Variants in SEMA4D observed in about 807,000 individuals in gnomAD.
SEMA4D encodes semaphorin 4D.
A neutral mutation model predicts 74.8 loss-of-function variants in SEMA4D; 22 were observed. The ratio of observed to expected loss-of-function variants is 0.29; its 90% confidence interval spans 0.21 to 0.42. The LOEUF is 0.42. SEMA4D is among the 10% of genes least tolerant of loss of function. The probability of loss-of-function intolerance (pLI) is 1.00; values close to 1 mark genes in which losing one functional copy is unlikely to be tolerated. For synonymous variants in SEMA4D, 445 were observed against 463.7 expected, an observed-to-expected ratio of 0.96 and a Z score of 0.52; for missense variants, 937 against 1,118.4, an observed-to-expected ratio of 0.84 and a Z score of 2.31.
intron 2 of SEMA4D, among the ~76,000 whole-genome samples, chr9:89,449,069 C>G (rs1279370684): frequency 2.0e-5 from 3 of 152,116 alleles, no homozygotes; most frequent in Non-Finnish European, 2.9e-5. Flanking sequence ...CCACAGAAAA[C>G]AAGGGAGACA....
At chr9:89,475,415 G>A (rs547449303) in intron 1 of SEMA4D, among the ~76,000 whole-genome samples, 3 of 152,320 alleles carry the variant, frequency 2.0e-5, no homozygotes, top group Admixed American at 6.5e-5. Context: ...ACTGGTCCAT[G>A]GGTCACAGCC....
intron 2 of SEMA4D, among the ~76,000 whole-genome samples, chr9:89,432,232 A>G (rs1849429743): frequency 6.6e-6 from 1 of 152,232 alleles, no homozygotes; most frequent in Non-Finnish European, 1.5e-5. Context: ...TGGCACAATA[A>G]ATGTTAACCA....
At chr9:89,454,789 C>T (rs1855530736) in intron 2 of SEMA4D, among the ~76,000 whole-genome samples, 1 of 152,212 alleles carries the variant, frequency 6.6e-6, no homozygotes, top group African/African-American at 2.4e-5. Context: ...CCAGGCCACC[C>T]TCGGGGTGGC....
chr9:89,367,987 T>C (rs78472267), intron 16 of SEMA4D: 10,048 of 152,346 alleles, frequency 0.066, 470 homozygotes, highest in Middle Eastern at 0.12. Flanking sequence ...GAGCTGATTC[T>C]ACTCTGCGAC....
At chr9:89,443,583 T>G (rs2135194686) in intron 2 of SEMA4D, among the ~76,000 whole-genome samples, 1 of 152,232 alleles carries the variant, frequency 6.6e-6, no homozygotes, top group South Asian at 2.1e-4. Context: ...CTGCCTGGGG[T>G]AGGCGGGTGG....
At chr9:89,460,787 C>T (rs1029648971) in intron 1 of SEMA4D, among the ~76,000 whole-genome samples, 2 of 152,268 alleles carry the variant, frequency 1.3e-5, no homozygotes, top group Non-Finnish European at 2.9e-5. Context: ...AACCCATGCC[C>T]TCCAGCGTGG....
chr9:89,458,014 T>TTG (rs562896276), intron 1 of SEMA4D, among the ~76,000 whole-genome samples: 78 of 152,234 alleles, frequency 5.1e-4, no homozygotes, highest in African/African-American at 1.8e-3. Flanking sequence ...GCCTGGTCGA[T>TTG]AGAGCGAGAC....
Position 89,389,040 on chromosome 9 carries a change from T to C in SEMA4D, c.782A>G (p.Gln261Arg), listed in dbSNP as rs960977325. Residue 261 changes from glutamine to arginine, a missense_variant, in exon 10 of 16, where the codon CAG (glutamine) becomes CGG (arginine). Gln to Arg is a conservative substitution (Grantham distance 43). Transcript: ENST00000422704. ...CTTCTGCAAGGTCCTCAGGCCGCCC[T>C]GGTCCCCCTAAAACCCCAACAAGAA... is the stretch of plus-strand genomic sequence containing the variant. The part of the protein sequence containing the change: ...PRIARVCKGD[Q>R]GGLRTLQKKW... The C allele has an allele frequency of 3.1e-6, 5 of 1,613,934 alleles. No homozygotes were observed. The African/African-American group carries it at 5.3e-5, about 17-fold the overall frequency.
At chr9:89,402,013 C>T (rs901048855) in intron 4 of SEMA4D, among the ~76,000 whole-genome samples, 18 of 151,606 alleles carry the variant, frequency 1.2e-4, no homozygotes, top group Non-Finnish European at 2.2e-4. Context: ...CTGGATCTGA[C>T]ACCCAGCTGG....
At chr9:89,447,956 T>C (rs1258651332) in intron 2 of SEMA4D, among the ~76,000 whole-genome samples, 2 of 152,198 alleles carry the variant, frequency 1.3e-5, no homozygotes, top group Non-Finnish European at 2.9e-5. Context: ...CTCATCTCCT[T>C]CTCTGCTTTA....
chr9:89,382,870 G>A (rs978329508), intron 13 of SEMA4D, among the ~76,000 whole-genome samples: 8 of 152,162 alleles, frequency 5.3e-5, no homozygotes, highest in Non-Finnish European at 5.9e-5. Flanking sequence ...CCAAAGAGAG[G>A]CTTGAGGGTA....
intron 2 of SEMA4D, among the ~76,000 whole-genome samples, chr9:89,416,086 A>G (rs1845645307): frequency 6.6e-6 from 1 of 152,240 alleles, no homozygotes; most frequent in South Asian, 2.1e-4. Context: ...AACCAAATGT[A>G]AATTAAAATA....
chr9:89,451,618 T>C (rs762202922), intron 2 of SEMA4D, among the ~76,000 whole-genome samples: 1 of 152,190 alleles, frequency 6.6e-6, no homozygotes, highest in Non-Finnish European at 1.5e-5. Context: ...TGGATTTGGA[T>C]TGGATTGCTG....
intron 2 of SEMA4D, among the ~76,000 whole-genome samples, chr9:89,434,518 AAG>A (rs1363938894): frequency 2.0e-5 from 3 of 152,178 alleles, no homozygotes; most frequent in Non-Finnish European, 4.4e-5. Context: ...AACAGCATCT[AAG>A]AGAGTAGAGT....
In SEMA4D at chr9:89,442,257, C is replaced by T. The variant is rs974867118; in HGVS notation, c.-244+13631G>A. 5.9e-5 allele frequency among the ~76,000 whole-genome samples: 9 copies of T among 152,324 alleles called. No homozygotes were observed. The South Asian group carries it at 6.2e-4, about 11-fold the overall frequency. On this transcript the variant is annotated intron_variant, in intron 2 of 15. Transcript: ENST00000422704. ...CTCAGTGGGTCGGCTCTGGGCACCA[C>T]GGCTGCCACGAGGGTGGTAGGGGCT... is the stretch of plus-strand genomic sequence containing the variant.
At chr9:89,496,732 G>C (rs1312084168) in intron 1 of SEMA4D, among the ~76,000 whole-genome samples, 4 of 152,196 alleles carry the variant, frequency 2.6e-5, no homozygotes, top group African/African-American at 9.7e-5. Flanking sequence ...CCTGTTTCTG[G>C]GACACAGTAA....
In SEMA4D at chr9:89,379,023, T is replaced by A. The variant is rs746351203; in HGVS notation, c.2270A>T (p.Lys757Met). 3.7e-6 allele frequency: 6 copies of A among 1,611,592 alleles called. No individual in the cohort carries two copies. The African/African-American group carries it at 6.7e-5, about 18-fold the overall frequency. ...CAAGCACTGTCTGGGCAGGTATCCC[T>A]TATAGCAGTTGTAGAAAAAGAGGCA... ...FLCLFFYNCY[K>M]GYLPRQCLKF... Residue 757 changes from lysine to methionine, a missense_variant, in exon 16 of 16, where the codon AAG becomes ATG. Coordinates refer to ENST00000422704, the MANE Select transcript of SEMA4D (RefSeq NM_001371194.2).
At chr9:89,385,135 G>T in intron 13 of SEMA4D, 1 of 902,894 alleles carries the variant, frequency 1.1e-6, no homozygotes. Context: ...ATGGCGGGTG[G>T]GCACTGACCC....
chr9:89,392,345 A>T, intron 8 of SEMA4D, 78 bp downstream of exon 8: 1 of 1,155,932 alleles, frequency 8.7e-7, no homozygotes, highest in Non-Finnish European at 1.3e-6. Flanking sequence ...GGGCTCAGAG[A>T]CAGAAAAGGA....
Sources: gnomAD v4.1 joint callset for allele counts (sites outside exome capture counted in the v4.1 genomes callset) on GRCh38, gnomAD v4.1.1 for gene constraint, MANE v1.5 for transcripts, NCBI Gene and HGNC (gene_info 2026-07-23, HGNC 2026-07-21) for gene names.